LOXL4: variants seen among roughly 807,000 people sequenced by gnomAD.
The protein encoded by LOXL4 is lysyl oxidase homolog 4.
Under a neutral mutation model 89.1 loss-of-function variants are expected in LOXL4, and 72 were observed. That is an observed-to-expected ratio of 0.81 (90% CI 0.67 to 0.98). The LOEUF (loss-of-function observed/expected upper bound fraction) is 0.98. LOXL4 is among the 50% of genes least tolerant of loss of function. LOXL4 has a pLI of 0.00. For synonymous variants in LOXL4, 355 were observed against 392.1 expected, an observed-to-expected ratio of 0.91 and a Z score of 1.12; for missense variants, 984 against 1,017.5, an observed-to-expected ratio of 0.97 and a Z score of 0.45.
At chr10:98,262,336 G>A in intron 2 of LOXL4, 123 bp from the exon 3 acceptor site, 3 of 1,048,794 alleles carry the variant, frequency 2.9e-6, no homozygotes, top group Non-Finnish European at 4.1e-6. Context: ...GTGGCAGGGA[G>A]GAGGAAGTTT....
chr10:98,258,375 A>T (rs1399769513), intron 6 of LOXL4, among the ~76,000 whole-genome samples: 2 of 143,320 alleles, frequency 1.4e-5, no homozygotes, highest in East Asian at 4.0e-4. Context: ...ATGACCAATC[A>T]CCCCCACAGC....
At position 98,262,986 on chromosome 10, in the gene LOXL4, A is replaced by T; in HGVS notation, c.34T>A (p.Phe12Ile). The T allele has an allele frequency of 6.2e-7, 1 of 1,613,744 alleles. No individual in the cohort carries two copies. The highest frequency in any genetic ancestry group is 8.5e-7 in the Non-Finnish European group (1 of 1,179,998). ...AWSPPATLFL[F>I]LLLLGQPPPS... ...GGGGGCTGGCCTAGCAGCAGCAGGA[A>T]CAGAAAGAGGGTGGCTGGTGGGGAC... The change falls in exon 2 of 15, where the codon TTC (phenylalanine) becomes ATC (isoleucine). Residue 12 changes from phenylalanine to isoleucine, a missense_variant. By Grantham distance (21) the Phe-to-Ile change is conservative. Transcript: ENST00000260702.
chr10:98,252,481 T>A lies in LOXL4; in HGVS notation c.1836-13A>T, dbSNP rs777477009. ...GCTGTGGTAATGCCTGCAGAAGGGG[T>A]AGAGCTGTCAGTGCGGCAGCAACAG... is the stretch of plus-strand genomic sequence containing the variant. On this transcript the variant is annotated splice_polypyrimidine_tract_variant and intron_variant, in intron 11 of 14. Transcript: ENST00000260702. 3 of 1,584,314 alleles carry A rather than the reference T, an allele frequency of 1.9e-6. No individual in the cohort carries two copies. In the South Asian group the frequency reaches 3.3e-5, roughly 18 times the overall value.
intron 3 of LOXL4, among the ~76,000 whole-genome samples, chr10:98,261,770 T>C (rs1858548966): frequency 6.6e-6 from 1 of 152,226 alleles, no homozygotes; most frequent in Non-Finnish European, 1.5e-5. Context: ...GGGAGCCCCT[T>C]ACCCAATGCT....
At chr10:98,250,808 T>C (rs1858169040) in intron 14 of LOXL4, among the ~76,000 whole-genome samples, 1 of 152,180 alleles carries the variant, frequency 6.6e-6, no homozygotes, top group Non-Finnish European at 1.5e-5. Flanking sequence ...GATTGGAAAC[T>C]GAGTTTACAA....
intron 4 of LOXL4, among the ~76,000 whole-genome samples, chr10:98,260,528 T>C (rs969243085): frequency 2.0e-5 from 3 of 151,970 alleles, no homozygotes; most frequent in Admixed American, 2.0e-4. Context: ...AATTCGAGAG[T>C]GCAGTGTTTG....
intron 1 of LOXL4, among the ~76,000 whole-genome samples, chr10:98,263,676 A>G (rs191191884): frequency 8.2e-4 from 124 of 152,024 alleles, no homozygotes; most frequent in Non-Finnish European, 1.0e-4. Flanking sequence ...TGGCTTGGGC[A>G]AGTCTCTTCA....
chr10:98,248,770 G>T lies in LOXL4; in HGVS notation c.*151C>A. On this transcript the variant is annotated 3_prime_UTR_variant, in exon 15 of 15. Coordinates refer to ENST00000260702, the MANE Select transcript of LOXL4 (RefSeq NM_032211.7). The stretch of plus-strand genomic sequence containing the variant: ...AGGGAGCAATACCATCTGGATTGGT[G>T]ATCTTGCCATCAAAAGGCTTCCTGA... 1 of 673,120 alleles carries T rather than the reference G, an allele frequency of 1.5e-6. No individual in the cohort carries two copies. Among genetic ancestry groups the T allele is most frequent in the Non-Finnish European group, 2.6e-6 (1 of 384,062 alleles). 41.7% of individuals were successfully genotyped at this position (673,120 alleles called of 1,614,324 possible).
chr10:98,260,484 G>C (rs551197974), intron 4 of LOXL4, among the ~76,000 whole-genome samples: 7 of 145,344 alleles, frequency 4.8e-5, no homozygotes, highest in African/African-American at 1.8e-4. Context: ...GGGGGGTGGG[G>C]GGGCGTTCTG....
Position 98,263,028 on chromosome 10 carries a change from C to T in LOXL4, c.-9G>A. 1.2e-6 allele frequency: 2 copies of T among 1,611,398 alleles called. No individual in the cohort carries two copies. Among genetic ancestry groups the T allele is most frequent in the Non-Finnish European group, 1.7e-6 (2 of 1,178,360 alleles). On this transcript the variant is annotated 5_prime_UTR_variant, in exon 2 of 15. Coordinates refer to ENST00000260702, the MANE Select transcript of LOXL4 (RefSeq NM_032211.7). Reference sequence around the variant, plus strand: ...GGTGGGGACCACGCCATGGTGACTTCAAGGACAGCTGAGGCCAAGATACCT... The same window carrying T: ...GGTGGGGACCACGCCATGGTGACTTTAAGGACAGCTGAGGCCAAGATACCT...
chr10:98,251,938 A>G, intron 12 of LOXL4: 2 of 556,634 alleles, frequency 3.6e-6, no homozygotes, highest in Non-Finnish European at 6.3e-6. Context: ...GGAGATTCCA[A>G]CGCTCCCGTG....
At chr10:98,257,881 G>A (rs1034686546) in intron 7 of LOXL4, 77 bp from the exon 8 acceptor site, 12 of 1,578,844 alleles carry the variant, frequency 7.6e-6, no homozygotes, top group Admixed American at 7.0e-5. Context: ...TTCACAGAGG[G>A]GGATAACTTT....
In LOXL4 at chr10:98,262,042, C is replaced by T; in HGVS notation, c.449G>A (p.Gly150Glu). Reference protein sequence around the residue: ...YLSETVSNALGPQGRRLEEVR... With the variant: ...YLSETVSNALEPQGRRLEEVR... ...CCTGAACAGCCTCCTCACCTGGGGC[C>T]CAAGGGCATTGGAGACAGTTTCAGA... is the stretch of plus-strand genomic sequence containing the variant. The change falls in exon 3 of 15, where the codon GGG becomes GAG. Residue 150 changes from glycine (G) to glutamate (E), a missense_variant. Transcript: ENST00000260702. The T allele has an allele frequency of 6.2e-7, 1 of 1,607,988 alleles. No individual in the cohort carries two copies. The highest frequency in any genetic ancestry group is 8.5e-7 in the Non-Finnish European group (1 of 1,176,960).
At chr10:98,252,088 G>A in intron 12 of LOXL4, 1 of 511,170 alleles carries the variant, frequency 2.0e-6, no homozygotes, top group South Asian at 2.2e-5. Flanking sequence ...GCTCAGCAGA[G>A]ATAGGACAGG....
intron 11 of LOXL4, among the ~76,000 whole-genome samples, 196 bp from the exon 12 acceptor site, chr10:98,252,664 G>A (rs1006925899): frequency 3.3e-5 from 5 of 152,192 alleles, no homozygotes; most frequent in African/African-American, 1.2e-4. Context: ...CAGGCAGCAA[G>A]TACAGCTGCC....
In LOXL4 at chr10:98,252,290, C is replaced by T. The variant is rs1007289308; in HGVS notation, c.1951+63G>A. 41 of 1,294,294 alleles carry T rather than the reference C, an allele frequency of 3.2e-5. No homozygotes were observed. The East Asian group carries it at 9.3e-4, about 29-fold the overall frequency. The allele number at this position is 1,294,294 out of a possible 1,614,324, so 80.2% of individuals were successfully genotyped here. A position where few individuals can be genotyped will look rare whatever the true frequency, so the allele number is the denominator to read the frequency against. On this transcript the variant is annotated intron_variant, in intron 12 of 14. Transcript: ENST00000260702. ...AACAGGGCAGAGAGAAAGCCTGATC[C>T]CAAAGGGGCTGAAGAACATAACAAA...
At chr10:98,263,771 G>C (rs1858609963) in intron 1 of LOXL4, among the ~76,000 whole-genome samples, 1 of 135,178 alleles carries the variant, frequency 7.4e-6, no homozygotes, top group African/African-American at 2.9e-5. Context: ...TCTCTCTGTC[G>C]CCCAGGCTGG....
intron 14 of LOXL4, among the ~76,000 whole-genome samples, chr10:98,250,300 C>T (rs1858150127): frequency 6.6e-6 from 1 of 152,198 alleles, no homozygotes; most frequent in African/African-American, 2.4e-5. Context: ...GCTTGCTCAG[C>T]ATTCAGTCCA....
At chr10:98,252,309 TAAC>T (rs1339090476) in intron 12 of LOXL4, 41 bp downstream of exon 12, 2 of 1,432,520 alleles carry the variant, frequency 1.4e-6, no homozygotes, top group African/African-American at 1.4e-5. Flanking sequence ...CTGAAGAACA[TAAC>T]AAAAGGAGAT....
Sources: gnomAD v4.1 joint callset for allele counts (sites outside exome capture counted in the v4.1 genomes callset) on GRCh38, gnomAD v4.1.1 for gene constraint, MANE v1.5 for transcripts, NCBI Gene and HGNC (gene_info 2026-07-23, HGNC 2026-07-21) for gene names.